The following TRPV3 variants were observed in gnomAD, a reference collection of about 807,000 sequenced individuals.
TRPV3 encodes the protein VRL-3.
TRPV3 carries 88 observed loss-of-function variants against 87.1 expected under a neutral mutation model. That is an observed-to-expected ratio of 1.01 (90% CI 0.85 to 1.21). TRPV3 has a LOEUF of 1.21. Among genes scored for constraint, TRPV3 ranks in the 50% most tolerant of loss-of-function variants. TRPV3 has a pLI of 0.00. For missense variants in TRPV3, 1,054 were observed against 1,030.1 expected (o/e 1.02, Z -0.32); for synonymous variants, 438 against 423.3 (o/e 1.03, Z -0.43).
Position 3,528,136 on chromosome 17 carries a change from A to T in TRPV3, c.1402-10T>A, listed in dbSNP as rs2074317008. 1 of 1,608,502 alleles carries T rather than the reference A, an allele frequency of 6.2e-7. No individual in the cohort carries two copies. Among genetic ancestry groups the T allele is most frequent in the Admixed American group, 1.7e-5 (1 of 59,674 alleles). On this transcript the variant is annotated splice_polypyrimidine_tract_variant and intron_variant, in intron 10 of 17. Transcript: ENST00000576742. The surrounding 1 kb of genome is among the most constrained non-coding windows in gnomAD (Gnocchi z 4.2). Reference sequence around the variant, plus strand: ...AGGGGTGCGGGATGGCCTGCAGGGAAAGAAGAGGGGTGGTCAGTATAGGAA... The same window carrying T: ...AGGGGTGCGGGATGGCCTGCAGGGATAGAAGAGGGGTGGTCAGTATAGGAA...
chr17:3,535,101 T>C, intron 7 of TRPV3, among the ~76,000 whole-genome samples: 1 of 151,858 alleles, frequency 6.6e-6, no homozygotes. Context: ...GCAGGGACAG[T>C]GTGGGTGGAG....
At position 3,554,683 on chromosome 17, in the gene TRPV3, C is replaced by T. The variant is rs369486286; in HGVS notation, c.119+49G>A. 4.8e-5 allele frequency: 64 copies of T among 1,337,630 alleles called. No homozygotes were observed. In the Middle Eastern group the frequency reaches 5.7e-4, roughly 12 times the overall value. The allele number at this position is 1,337,630 out of a possible 1,614,324, so 82.9% of individuals were successfully genotyped here. ...CCTGGGGGGGTGCCAGGCCCCCACT[C>T]GTGCCCCTCACAGTGCCGCAGTCCG... On this transcript the variant is annotated intron_variant, in intron 2 of 17. Coordinates refer to ENST00000576742, the MANE Select transcript of TRPV3 (RefSeq NM_145068.4).
At chr17:3,532,281 C>T (rs1388356061) in intron 8 of TRPV3, among the ~76,000 whole-genome samples, 3 of 152,242 alleles carry the variant, frequency 2.0e-5, no homozygotes, top group East Asian at 1.9e-4. Flanking sequence ...ATTAGCGCTG[C>T]GCCCGCAGCA....
rs767200119 is a variant in TRPV3 at position 3,530,676 on chromosome 17, C to G, written c.1066-473G>C. 6.6e-6 allele frequency among the ~76,000 whole-genome samples: 1 copy of G among 152,192 alleles called. No individual in the cohort carries two copies. Among genetic ancestry groups the G allele is most frequent in the Non-Finnish European group, 1.5e-5 (1 of 68,036 alleles). Reference sequence around the variant, plus strand: ...AGGCAGGTGGTGACGAGAGACACCACGCCCTACAGGGAGGCCCGTGGGACT... The same window carrying G: ...AGGCAGGTGGTGACGAGAGACACCAGGCCCTACAGGGAGGCCCGTGGGACT... On this transcript the variant is annotated intron_variant, in intron 8 of 17. Transcript: ENST00000576742. The surrounding 1 kb of genome is among the most constrained non-coding windows in gnomAD (Gnocchi z 4.0).
chr17:3,556,204 A>AG lies in TRPV3; in HGVS notation c.-2-1353dup. On this transcript the variant is annotated intron_variant, in intron 1 of 17. Coordinates refer to ENST00000576742, the MANE Select transcript of TRPV3 (RefSeq NM_145068.4). This position sits in a 1 kb window ranked among gnomAD's most constrained non-coding sequence, Gnocchi z 4.2. ...AAAAAATGAAAAAAAAAAAAAATAA[A>AG]GTTTTTATTAAACATAAAAAAGGAG... Among the ~76,000 whole-genome samples the AG allele has an allele frequency of 6.6e-6, 1 of 150,852 alleles. No individual in the cohort carries two copies. Among genetic ancestry groups the AG allele is most frequent in the East Asian group, 1.9e-4 (1 of 5,130 alleles).
chr17:3,527,953 A>G, intron 11 of TRPV3, 72 bp downstream of exon 11: 1 of 1,177,812 alleles, frequency 8.5e-7, no homozygotes, highest in East Asian at 2.3e-5. Context: ...GTAATGGCAG[A>G]GCAGAGAGGG....
intron 2 of TRPV3, among the ~76,000 whole-genome samples, chr17:3,549,821 T>G (rs1435156239): frequency 6.7e-6 from 1 of 149,348 alleles, no homozygotes; most frequent in African/African-American, 2.5e-5. Context: ...AATAAATGAT[T>G]GATGGATGGA....
intron 12 of TRPV3, among the ~76,000 whole-genome samples, chr17:3,524,776 A>G (rs1157485721): frequency 6.7e-6 from 1 of 149,750 alleles, no homozygotes; most frequent in Non-Finnish European, 1.5e-5. Flanking sequence ...GTTCAGGACC[A>G]GCCTGAGTGA....
rs1463457174 is a variant in TRPV3, at chr17:3,532,873, C to T, written c.849G>A (p.Glu283=). ...NQPEIVQLLM[E]HEQTDITSRD... The stretch of plus-strand genomic sequence containing the variant: ...GCGAGGTGATGTCCGTCTGCTCGTG[C>T]TCCATCAGCAGCTGCACAATCTCGG... The change falls in exon 8 of 18, where the codon GAG becomes GAA. Residue 283 remains glutamate, a synonymous_variant. Coordinates refer to ENST00000576742, the MANE Select transcript of TRPV3 (RefSeq NM_145068.4). 1.2e-6 allele frequency: 2 copies of T among 1,614,146 alleles called. No individual in the cohort carries two copies. The highest frequency in any genetic ancestry group is 1.7e-6 in the Non-Finnish European group (2 of 1,180,052).
At chr17:3,522,625 G>T (rs1361684382) in intron 13 of TRPV3, among the ~76,000 whole-genome samples, 2 of 148,850 alleles carry the variant, frequency 1.3e-5, no homozygotes, top group African/African-American at 5.0e-5. Context: ...TTGGAGACCA[G>T]CCTGGCCAAC....
Position 3,541,221 on chromosome 17 carries a change from A to G in TRPV3, c.643+1301T>C, listed in dbSNP as rs561091748. ...TCTCTACTAAAAATCCAAAAAAATT[A>G]GCCAGGCATGGTGGCAGGTGCCTGT... On this transcript the variant is annotated intron_variant, in intron 6 of 17. Transcript: ENST00000576742. 6.6e-5 allele frequency among the ~76,000 whole-genome samples: 10 copies of G among 152,230 alleles called. No homozygotes were observed. The East Asian group carries it at 1.9e-3, about 29-fold the overall frequency.
In TRPV3 at chr17:3,530,324, GC is replaced by G; in HGVS notation, c.1066-122del. On this transcript the variant is annotated intron_variant, in intron 8 of 17. Coordinates refer to ENST00000576742, the MANE Select transcript of TRPV3 (RefSeq NM_145068.4). The surrounding 1 kb of genome is among the most constrained non-coding windows in gnomAD (Gnocchi z 4.0). ...ACCCGCCCAGAATGGGTGGAGACCT[GC>G]CTCTGCGCCTGGCGCCATGGCCCCT... 1 of 950,908 alleles carries G rather than the reference GC, an allele frequency of 1.1e-6. No individual in the cohort carries two copies. The highest frequency in any genetic ancestry group is 1.5e-6 in the Non-Finnish European group (1 of 654,520). 58.9% of individuals were successfully genotyped at this position (950,908 alleles called of 1,614,324 possible).
In TRPV3 at chr17:3,518,271, C is replaced by T. The variant is rs370474455; in HGVS notation, c.2085+305G>A. 4.6e-5 allele frequency among the ~76,000 whole-genome samples: 7 copies of T among 152,292 alleles called. No homozygotes were observed. The highest frequency in any genetic ancestry group is 1.9e-4 in the East Asian group (1 of 5,192). Reference sequence around the variant, plus strand: ...GAACTGTCACCTCCACTGTCCTAGACGCTGTACTCCTCTTAATGCAACCTA... The same window carrying T: ...GAACTGTCACCTCCACTGTCCTAGATGCTGTACTCCTCTTAATGCAACCTA... On this transcript the variant is annotated intron_variant, in intron 15 of 17. Transcript: ENST00000576742. The surrounding 1 kb of genome is among the most constrained non-coding windows in gnomAD (Gnocchi z 4.3).
chr17:3,551,558 C>T (rs1453120723), intron 2 of TRPV3, among the ~76,000 whole-genome samples: 2 of 152,250 alleles, frequency 1.3e-5, no homozygotes, highest in Non-Finnish European at 2.9e-5. Context: ...CCCTGAACAG[C>T]CCAGGGCTGG....
chr17:3,516,181 C>T (rs1423042561), intron 16 of TRPV3, among the ~76,000 whole-genome samples: 6 of 55,776 alleles, frequency 1.1e-4, no homozygotes, highest in Admixed American at 2.5e-4. Flanking sequence ...AGCAAAATTC[C>T]GTCTCAAAAA....
In TRPV3 at chr17:3,532,021, G is replaced by A. The variant is rs78169618; in HGVS notation, c.1065+636C>T. Among the ~76,000 whole-genome samples, 1,249 of 152,284 alleles carry A rather than the reference G, an allele frequency of 8.2e-3. 20 individuals carry two copies. In the East Asian group the frequency reaches 0.084, roughly 10 times the overall value. On this transcript the variant is annotated intron_variant, in intron 8 of 17. Coordinates refer to ENST00000576742, the MANE Select transcript of TRPV3 (RefSeq NM_145068.4). ...TAGAGACAGTGAGGCTGAGGAACAC[G>A]CTTGGACCCCAGAATCAGTCCCCTG...
chr17:3,549,987 TGATGGATG>T (rs577788037), intron 2 of TRPV3, among the ~76,000 whole-genome samples: 1 of 147,748 alleles, frequency 6.8e-6, no homozygotes, highest in Admixed American at 6.8e-5. Context: ...AGTGGATAGA[TGATGGATG>T]GATGGATGGA....
chr17:3,544,678 G>A lies in TRPV3; in HGVS notation c.225-13C>T. 3 of 1,598,378 alleles carry A rather than the reference G, an allele frequency of 1.9e-6. No homozygotes were observed. Among genetic ancestry groups the A allele is most frequent in the Non-Finnish European group, 1.7e-6 (2 of 1,170,654 alleles). On this transcript the variant is annotated splice_polypyrimidine_tract_variant and intron_variant, in intron 3 of 17. Coordinates refer to ENST00000576742, the MANE Select transcript of TRPV3 (RefSeq NM_145068.4). Reference sequence around the variant, plus strand: ...GTTACCAGAGATGCTGGAGGTGTTGGCAGGGGGAACAGAGAGGGTTTTAAA... The same window carrying A: ...GTTACCAGAGATGCTGGAGGTGTTGACAGGGGGAACAGAGAGGGTTTTAAA...
intron 2 of TRPV3, among the ~76,000 whole-genome samples, chr17:3,545,854 A>G (rs1222081884): frequency 6.7e-6 from 1 of 149,380 alleles, no homozygotes; most frequent in Non-Finnish European, 1.5e-5. Flanking sequence ...GCTGGGCATG[A>G]TGGCAGGCAC....
Sources: allele counts gnomAD v4.1 joint callset (sites outside exome capture counted in the v4.1 genomes callset), GRCh38; gene constraint gnomAD v4.1.1; non-coding constraint Gnocchi (gnomAD v3.1); transcripts MANE v1.5; gene names NCBI Gene and HGNC (gene_info 2026-07-23, HGNC 2026-07-21).